DLAT: variants seen among roughly 807,000 people sequenced by gnomAD.
The protein encoded by DLAT is dihydrolipoyllysine-residue acetyltransferase component of pyruvate dehydrogenase complex, mitochondrial.
In DLAT, 43 loss-of-function variants were observed where a neutral mutation model predicts 68.0. The observed-to-expected ratio is 0.63, with a 90% CI of 0.50 to 0.81. The LOEUF is 0.81. Ranked by LOEUF, DLAT falls within the 40% of genes least tolerant of loss-of-function variation. The pLI, the probability that DLAT is intolerant of heterozygous loss-of-function variation, is 0.00. For missense variants in DLAT, 745 were observed against 815.4 expected, an observed-to-expected ratio of 0.91 and a Z score of 1.05; for synonymous variants, 265 against 288.6, an observed-to-expected ratio of 0.92 and a Z score of 0.83.
At chr11:112,058,828 C>T (rs187147466) in intron 11 of DLAT, among the ~76,000 whole-genome samples, 7 of 152,122 alleles carry the variant, frequency 4.6e-5, no homozygotes, top group African/African-American at 1.4e-4. Context: ...CATTATTAGA[C>T]CTGCAACAAG....
intron 4 of DLAT, among the ~76,000 whole-genome samples, chr11:112,029,268 T>C (rs1555179753): frequency 6.6e-6 from 1 of 152,240 alleles, no homozygotes; most frequent in Non-Finnish European, 1.5e-5. Context: ...AATTAGAGTT[T>C]ATAGCAGGCT....
At chr11:112,030,086 T>A (rs1024320268) in intron 4 of DLAT, 1 of 865,808 alleles carries the variant, frequency 1.2e-6, no homozygotes, top group Non-Finnish European at 1.9e-6. Context: ...CGTCTGCGAA[T>A]GTCTCCTGGT....
At chr11:112,033,302 AT>A (rs1292035441) in intron 4 of DLAT, 101 bp from the exon 5 acceptor site, 3 of 1,416,192 alleles carry the variant, frequency 2.1e-6, no homozygotes, top group Non-Finnish European at 2.9e-6. Flanking sequence ...TATTTGGATT[AT>A]CATAGTCACC....
At position 112,028,945 on chromosome 11, in the gene DLAT, G is replaced by T. The variant is rs1184365455; in HGVS notation, c.660G>T (p.Gln220His). 1 of 1,613,842 alleles carries T rather than the reference G, an allele frequency of 6.2e-7. No homozygotes were observed. The highest frequency in any genetic ancestry group is 8.5e-7 in the Non-Finnish European group (1 of 1,180,016). The change falls in exon 4 of 14, where the codon CAG becomes CAT. Residue 220 changes from glutamine (Q) to histidine (H), a missense_variant and splice_region_variant. Coordinates refer to ENST00000280346, the MANE Select transcript of DLAT (RefSeq NM_001931.5). ...APGSSYPPHM[Q>H]VLLPALSPTM... ...GTAGCTCATATCCCCCTCACATGCA[G>T]GTGAGGCTCAGCCTCTGAGTTTTTG... is the stretch of plus-strand genomic sequence containing the variant.
chr11:112,033,416 G>C lies in DLAT; in HGVS notation c.673G>C (p.Ala225Pro). The stretch of plus-strand genomic sequence containing the variant: ...TTTGTTTCTGCAGGTACTTCTTCCT[G>C]CCCTCTCTCCCACCATGACCATGGG... Reference protein sequence around the residue: ...YPPHMQVLLPALSPTMTMGTV... With the variant: ...YPPHMQVLLPPLSPTMTMGTV... The change falls in exon 5 of 14, where the codon GCC (alanine) becomes CCC (proline). Residue 225 changes from alanine to proline, a missense_variant. Ala to Pro is a conservative substitution (Grantham distance 27). Transcript: ENST00000280346. The C allele has an allele frequency of 6.2e-7, 1 of 1,613,650 alleles. No individual in the cohort carries two copies. Among genetic ancestry groups the C allele is most frequent in the Non-Finnish European group, 8.5e-7 (1 of 1,179,780 alleles).
At chr11:112,034,533 C>T (rs1862587578) in intron 5 of DLAT, among the ~76,000 whole-genome samples, 1 of 151,786 alleles carries the variant, frequency 6.6e-6, no homozygotes, top group Non-Finnish European at 1.5e-5. Context: ...AGCTCCACCT[C>T]CTGGGTTCAC....
intron 10 of DLAT, among the ~76,000 whole-genome samples, chr11:112,047,251 A>C (rs1231181082): frequency 1.3e-5 from 2 of 152,190 alleles, no homozygotes; most frequent in African/African-American, 4.8e-5. Flanking sequence ...TGTTGGCCAC[A>C]TAAATGTCTT....
At chr11:112,044,105 G>A (rs991213659) in intron 8 of DLAT, among the ~76,000 whole-genome samples, 1 of 152,222 alleles carries the variant, frequency 6.6e-6, no homozygotes, top group Admixed American at 6.5e-5. Flanking sequence ...TAGTTAATCG[G>A]TTTTTGCTTT....
Position 112,037,169 on chromosome 11 carries a change from A to G in DLAT, c.788-104A>G. On this transcript the variant is annotated intron_variant, in intron 5 of 13. Transcript: ENST00000280346. ...AAATAGGTTGCAAAAAAGGCTATAT[A>G]GCTAGCTTGAATGAGAAAAATCACT... 5 of 1,069,690 alleles carry G rather than the reference A, an allele frequency of 4.7e-6. No homozygotes were observed. In the South Asian group the frequency reaches 6.7e-5, roughly 14 times the overall value. 66.3% of individuals were successfully genotyped at this position (1,069,690 alleles called of 1,614,324 possible). A position where few individuals can be genotyped will look rare whatever the true frequency, so the allele number is the denominator to read the frequency against.
chr11:112,047,995 C>T (rs1555181626), intron 10 of DLAT, among the ~76,000 whole-genome samples: 1 of 151,950 alleles, frequency 6.6e-6, no homozygotes, highest in African/African-American at 2.4e-5. Flanking sequence ...TTTTCTAATT[C>T]TGTGAAGAAA....
chr11:112,060,561 TCTC>T (rs1366461077), intron 12 of DLAT, among the ~76,000 whole-genome samples: 2 of 152,024 alleles, frequency 1.3e-5, no homozygotes, highest in African/African-American at 4.8e-5. Context: ...TTCAAGCAAT[TCTC>T]CTACCTCTGC....
intron 11 of DLAT, among the ~76,000 whole-genome samples, chr11:112,052,938 ATCAC>A (rs1566632232): frequency 6.6e-6 from 1 of 152,094 alleles, no homozygotes. Flanking sequence ...ACATACTCCT[ATCAC>A]TCAGGAAATT....
rs1194679251 is a variant in DLAT at position 112,062,640 on chromosome 11, T to G, written c.*105T>G. 2.3e-6 allele frequency: 3 copies of G among 1,326,768 alleles called. No individual in the cohort carries two copies. The highest frequency in any genetic ancestry group is 2.1e-6 in the Non-Finnish European group (2 of 950,166). The allele number at this position is 1,326,768 out of a possible 1,614,324, so 82.2% of individuals were successfully genotyped here. A position where few individuals can be genotyped will look rare whatever the true frequency, so the allele number is the denominator to read the frequency against. On this transcript the variant is annotated 3_prime_UTR_variant, in exon 14 of 14. Coordinates refer to ENST00000280346, the MANE Select transcript of DLAT (RefSeq NM_001931.5). ...GTTCTTTTTATTTTAACCAGTTATTTTTATTATTGAGTCTGTCCAGATAAG... is the reference window on the plus strand; with the variant it reads ...GTTCTTTTTATTTTAACCAGTTATTGTTATTATTGAGTCTGTCCAGATAAG...
intron 7 of DLAT, 114 bp downstream of exon 7, chr11:112,039,511 A>G (rs1384315250): frequency 1.8e-6 from 2 of 1,091,178 alleles, no homozygotes; most frequent in East Asian, 5.0e-5. Context: ...GATAGTAGGG[A>G]CAATCATTAA....
intron 7 of DLAT, among the ~76,000 whole-genome samples, chr11:112,040,323 T>G (rs755473012): frequency 9.2e-5 from 14 of 152,220 alleles, no homozygotes; most frequent in Non-Finnish European, 1.9e-4. Flanking sequence ...CAACACTTCT[T>G]GAAGTAAGAA....
intron 11 of DLAT, among the ~76,000 whole-genome samples, chr11:112,055,235 AT>A (rs66865041): frequency 0.059 from 4,437 of 75,356 alleles, 98 homozygotes; most frequent in African/African-American, 0.19. Flanking sequence ...GTCAAGGCCT[AT>A]TTTTTTTTTT....
intron 11 of DLAT, among the ~76,000 whole-genome samples, chr11:112,057,724 T>C (rs587665947): frequency 2.8e-4 from 42 of 152,264 alleles, no homozygotes; most frequent in African/African-American, 1.0e-3. Context: ...GAGGCCATAA[T>C]AACATAAAAG....
At position 112,028,826 on chromosome 11, in the gene DLAT, C is replaced by T. The variant is rs1555179690; in HGVS notation, c.541C>T (p.Leu181=). The T allele has an allele frequency of 6.2e-7, 1 of 1,614,174 alleles. No homozygotes were observed. Among genetic ancestry groups the T allele is most frequent in the Non-Finnish European group, 8.5e-7 (1 of 1,180,040 alleles). The change falls in exon 4 of 14, where the codon CTG becomes TTG. Residue 181 remains leucine (L), a synonymous_variant. Transcript: ENST00000280346. The part of the protein sequence containing the change: ...EDIEAFKNYT[L]DSSAAPTPQA... ...TATTGAGGCCTTTAAAAATTATACA[C>T]TGGATTCCTCAGCAGCACCTACCCC... is the stretch of plus-strand genomic sequence containing the variant.
chr11:112,055,121 A>G (rs587612189), intron 11 of DLAT, among the ~76,000 whole-genome samples: 2 of 151,582 alleles, frequency 1.3e-5, no homozygotes, highest in East Asian at 3.9e-4. Flanking sequence ...AACAGACTTT[A>G]GTCTTCCTGT....
Sources: allele counts gnomAD v4.1 joint callset (sites outside exome capture counted in the v4.1 genomes callset), GRCh38; gene constraint gnomAD v4.1.1; transcripts MANE v1.5; gene names NCBI Gene and HGNC (gene_info 2026-07-23, HGNC 2026-07-21).